PRKCH: variants seen among roughly 807,000 people sequenced by gnomAD.
The protein encoded by PRKCH is protein kinase C eta.
A neutral mutation model predicts 82.5 loss-of-function variants in PRKCH; 28 were observed. That is an observed-to-expected ratio of 0.34 (90% confidence interval 0.25 to 0.47). The LOEUF (loss-of-function observed/expected upper bound fraction) is 0.47, where lower values mean the gene tolerates loss of function less well. PRKCH is among the 20% of genes least tolerant of loss of function. The pLI is 1.00. For missense variants in PRKCH, 705 were observed against 881.8 expected, an observed-to-expected ratio of 0.80 and a Z score of 2.54; for synonymous variants, 322 against 327.4, an observed-to-expected ratio of 0.98 and a Z score of 0.18.
chr14:61,340,183 C>T (rs1275049027), intron 1 of PRKCH, among the ~76,000 whole-genome samples: 3 of 152,116 alleles, frequency 2.0e-5, no homozygotes, highest in South Asian at 2.1e-4. Context: ...CAGGAGACTG[C>T]GCTGGCGAAG....
At chr14:61,336,825 A>G (rs1361307212) in intron 1 of PRKCH, among the ~76,000 whole-genome samples, 3 of 152,022 alleles carry the variant, frequency 2.0e-5, no homozygotes, top group East Asian at 1.9e-4. Context: ...TTCCAGCACT[A>G]TGGGGGGCTG....
At position 61,487,906 on chromosome 14, in the gene PRKCH, C is replaced by G. The variant is rs185416064; in HGVS notation, c.1433+2250C>G. ...CGGTGGCTCACGCCTGTAATCCCAG[C>G]ACTCTGGGAGGCCGAGGCGGGCGGA... On this transcript the variant is annotated intron_variant, in intron 10 of 13. Transcript: ENST00000332981. Among the ~76,000 whole-genome samples, 476 of 151,870 alleles carry G rather than the reference C, an allele frequency of 3.1e-3. 3 individuals are homozygous for G. The highest frequency in any genetic ancestry group is 0.01 in the Middle Eastern group (3 of 290).
chr14:61,371,497 G>C (rs541090816), intron 1 of PRKCH, among the ~76,000 whole-genome samples: 2 of 151,954 alleles, frequency 1.3e-5, no homozygotes, highest in Non-Finnish European at 2.9e-5. Context: ...ACAAGTCCTC[G>C]TCAGGTATTT....
intron 1 of PRKCH, among the ~76,000 whole-genome samples, chr14:61,389,120 A>G (rs1395836244): frequency 6.6e-6 from 1 of 152,228 alleles, no homozygotes; most frequent in Non-Finnish European, 1.5e-5. Flanking sequence ...TCTCGCCTGT[A>G]ATCCCAGCAC....
At position 61,391,305 on chromosome 14, in the gene PRKCH, G is replaced by A. The variant is rs770370160; in HGVS notation, c.427+17G>A. On this transcript the variant is annotated intron_variant, in intron 2 of 13. Coordinates refer to ENST00000332981, the MANE Select transcript of PRKCH (RefSeq NM_006255.5). ...TCACTGAAGGTAAGAATGAGTTTTG[G>A]GTAGTTTCCAGAATACATGTAATCT... is the stretch of plus-strand genomic sequence containing the variant. The A allele has an allele frequency of 1.9e-5, 31 of 1,590,864 alleles. No individual in the cohort carries two copies. In the South Asian group the frequency reaches 3.0e-4, roughly 15 times the overall value.
At chr14:61,281,284 G>A in intron 1 of PRKCH, 1 of 435,516 alleles carries the variant, frequency 2.3e-6, no homozygotes, top group Non-Finnish European at 3.9e-6. Context: ...TTTTTGCCCG[G>A]GCCCCTCCTC....
chr14:61,445,607 G>A, intron 3 of PRKCH, 85 bp from the exon 4 acceptor site: 1 of 1,152,350 alleles, frequency 8.7e-7, no homozygotes. Context: ...TAAAGGAGGA[G>A]AGGATGAAAT....
At chr14:61,484,201 C>T (rs945917373) in intron 9 of PRKCH, among the ~76,000 whole-genome samples, 22 of 151,812 alleles carry the variant, frequency 1.4e-4, no homozygotes, top group African/African-American at 5.3e-4. Flanking sequence ...TCAGAGACGT[C>T]GCCTGACCCC....
At chr14:61,411,440 T>C (rs1484759681) in intron 2 of PRKCH, among the ~76,000 whole-genome samples, 1 of 152,210 alleles carries the variant, frequency 6.6e-6, no homozygotes, top group Non-Finnish European at 1.5e-5. Flanking sequence ...ACTTTACTTT[T>C]GGCCAAATGC....
At chr14:61,194,707 C>T (rs2140034541) in intron 1 of PRKCH, among the ~76,000 whole-genome samples, 1 of 152,270 alleles carries the variant, frequency 6.6e-6, no homozygotes, top group Admixed American at 6.5e-5. Flanking sequence ...TAGTTGTATT[C>T]TCACAAAACA....
At chr14:61,213,190 T>TGTTTGC (rs2044594938) in intron 1 of PRKCH, among the ~76,000 whole-genome samples, 1 of 152,162 alleles carries the variant, frequency 6.6e-6, no homozygotes, top group Admixed American at 6.5e-5. Flanking sequence ...TGCGTGTTTG[T>TGTTTGC]CTGCCCTTCT....
chr14:61,410,736 C>T (rs6573391), intron 2 of PRKCH, among the ~76,000 whole-genome samples: 130,467 of 152,160 alleles, frequency 0.86, 57,145 homozygotes, highest in East Asian at 0.98. Context: ...CTGTAGGCAA[C>T]GCACCCGACC....
intron 1 of PRKCH, among the ~76,000 whole-genome samples, chr14:61,311,205 G>T (rs529739830): frequency 6.6e-6 from 1 of 152,310 alleles, no homozygotes; most frequent in Admixed American, 6.5e-5. Flanking sequence ...GCAAATTTCT[G>T]TGGCCAGCTT....
At chr14:61,503,352 A>G (rs1338921065) in intron 10 of PRKCH, among the ~76,000 whole-genome samples, 3 of 151,782 alleles carry the variant, frequency 2.0e-5, no homozygotes, top group Non-Finnish European at 4.4e-5. Flanking sequence ...TTAAAAAACA[A>G]CCAAACAGAA....
At chr14:61,444,360 A>G (rs1223311045) in intron 3 of PRKCH, among the ~76,000 whole-genome samples, 2 of 151,346 alleles carry the variant, frequency 1.3e-5, no homozygotes, top group African/African-American at 2.4e-5. Context: ...CCACAGCCCC[A>G]CCTCTCTGTG....
intron 10 of PRKCH, among the ~76,000 whole-genome samples, chr14:61,493,218 G>T (rs182302093): frequency 6.6e-6 from 1 of 151,290 alleles, no homozygotes; most frequent in East Asian, 1.9e-4. Context: ...CACATGAAAA[G>T]CCTGGAGGTA....
intron 1 of PRKCH, among the ~76,000 whole-genome samples, chr14:61,265,375 G>C (rs967246003): frequency 2.6e-5 from 4 of 152,156 alleles, no homozygotes; most frequent in Non-Finnish European, 4.4e-5. Flanking sequence ...CAGTTACTTG[G>C]GAGGCTGTGG....
intron 2 of PRKCH, among the ~76,000 whole-genome samples, chr14:61,401,718 CTTGA>C (rs1437959083): frequency 2.0e-5 from 3 of 152,154 alleles, no homozygotes; most frequent in African/African-American, 7.2e-5. Context: ...AAGGTCAATC[CTTGA>C]CTATATACCT....
At chr14:61,271,863 C>T (rs2045156343) in intron 1 of PRKCH, among the ~76,000 whole-genome samples, 1 of 152,212 alleles carries the variant, frequency 6.6e-6, no homozygotes, top group African/African-American at 2.4e-5. Flanking sequence ...TAACACTGGA[C>T]CACTTTCTTT....
Sources: gnomAD v4.1 joint callset for allele counts (sites outside exome capture counted in the v4.1 genomes callset) on GRCh38, gnomAD v4.1.1 for gene constraint, MANE v1.5 for transcripts, NCBI Gene and HGNC (gene_info 2026-07-23, HGNC 2026-07-21) for gene names.